Variants in PTPRR observed in about 807,000 individuals in gnomAD.
PTPRR encodes receptor-type tyrosine-protein phosphatase R.
A neutral mutation model predicts 77.2 loss-of-function variants in PTPRR; 38 were observed. The observed-to-expected ratio is 0.49, with a 90% CI of 0.38 to 0.65. The LOEUF (loss-of-function observed/expected upper bound fraction) is 0.65, where lower values mean the gene tolerates loss of function less well. Ranked by LOEUF, PTPRR falls within the 30% of genes least tolerant of loss-of-function variation. The pLI, the probability that PTPRR is intolerant of heterozygous loss-of-function variation, is 0.00. For synonymous variants in PTPRR, 299 were observed against 283.1 expected (o/e 1.06, Z -0.57); for missense variants, 744 against 799.2 (o/e 0.93, Z 0.83).
intron 2 of PTPRR, among the ~76,000 whole-genome samples, chr12:70,845,107 G>A (rs1892461678): frequency 6.6e-6 from 1 of 152,260 alleles, no homozygotes; most frequent in Non-Finnish European, 1.5e-5. Context: ...GAAGACAGTT[G>A]GAGCTAATTC....
At chr12:70,861,744 G>A (rs900743692) in intron 2 of PTPRR, among the ~76,000 whole-genome samples, 3 of 152,080 alleles carry the variant, frequency 2.0e-5, no homozygotes, top group Admixed American at 6.6e-5. Flanking sequence ...ATCTGTCTAA[G>A]GGAGTTATGA....
chr12:70,906,379 C>T (rs926240374), intron 1 of PTPRR, among the ~76,000 whole-genome samples: 1 of 151,932 alleles, frequency 6.6e-6, no homozygotes, highest in Non-Finnish European at 1.5e-5. Context: ...ATAAAAGACA[C>T]TTTGGGAACT....
chr12:70,730,258 C>T (rs2136879524), intron 6 of PTPRR, among the ~76,000 whole-genome samples: 1 of 152,318 alleles, frequency 6.6e-6, no homozygotes, highest in South Asian at 2.1e-4. Context: ...CTCCTGTAAT[C>T]CCAACACTTT....
At chr12:70,759,694 A>AC (rs1168833887) in intron 4 of PTPRR, among the ~76,000 whole-genome samples, 4 of 146,620 alleles carry the variant, frequency 2.7e-5, no homozygotes, top group African/African-American at 1.1e-4. Flanking sequence ...AAAAAAAAAA[A>AC]AAAAAAAAAA....
intron 2 of PTPRR, among the ~76,000 whole-genome samples, chr12:70,816,999 C>T (rs1292433443): frequency 6.6e-6 from 1 of 152,036 alleles, no homozygotes; most frequent in East Asian, 1.9e-4. Context: ...GTCATCTCAT[C>T]CTGTTAATGT....
rs563001007 is a variant in PTPRR at position 70,676,155 on chromosome 12, C to T, written c.1497+7972G>A. Among the ~76,000 whole-genome samples the T allele has an allele frequency of 5.3e-5, 8 of 151,876 alleles. 1 individual carries two copies. The South Asian group carries it at 1.7e-3, about 32-fold the overall frequency. ...GGTATATTGGATATCAAATACTATC[C>T]TCTATGTCTCTTAGACACTCTTTTT... On this transcript the variant is annotated intron_variant, in intron 10 of 13. Coordinates refer to ENST00000283228, the MANE Select transcript of PTPRR (RefSeq NM_002849.4).
intron 2 of PTPRR, among the ~76,000 whole-genome samples, chr12:70,889,880 G>C (rs3923908): frequency 0.15 from 22,962 of 151,770 alleles, 1,882 homozygotes; most frequent in Non-Finnish European, 0.18. Context: ...TTTCCATGCC[G>C]TTTCACTGAT....
At chr12:70,848,802 A>G (rs1442050919) in intron 2 of PTPRR, among the ~76,000 whole-genome samples, 1 of 152,232 alleles carries the variant, frequency 6.6e-6, no homozygotes, top group Non-Finnish European at 1.5e-5. Flanking sequence ...TATGTGATAG[A>G]TGCTTAGAGT....
chr12:70,639,386 G>A lies in PTPRR; in HGVS notation c.1881-109C>T. On this transcript the variant is annotated intron_variant, in intron 13 of 13. Coordinates refer to ENST00000283228, the MANE Select transcript of PTPRR (RefSeq NM_002849.4). ...TATTATGCCAAAGACACATAGAACA[G>A]TCGACCTAGTGGTTCTTTTGTTATC... 3 of 1,414,160 alleles carry A rather than the reference G, an allele frequency of 2.1e-6. No individual in the cohort carries two copies. The East Asian group carries it at 7.2e-5, about 34-fold the overall frequency. 87.6% of individuals were successfully genotyped at this position (1,414,160 alleles called of 1,614,324 possible).
chr12:70,826,000 T>C (rs776375184), intron 2 of PTPRR, among the ~76,000 whole-genome samples: 4 of 152,218 alleles, frequency 2.6e-5, no homozygotes, highest in Non-Finnish European at 4.4e-5. Context: ...AAATTGATTA[T>C]TGATCTTTTC....
intron 6 of PTPRR, among the ~76,000 whole-genome samples, chr12:70,726,984 G>A (rs1028373424): frequency 2.6e-5 from 4 of 151,810 alleles, no homozygotes; most frequent in African/African-American, 7.3e-5. Flanking sequence ...GAGAGAAGGG[G>A]GAAAGTGGAA....
intron 12 of PTPRR, among the ~76,000 whole-genome samples, chr12:70,658,883 GTTTTTTTTTTTTTTTT>G (rs746595856): frequency 7.3e-4 from 27 of 36,938 alleles, no homozygotes; most frequent in South Asian, 1.2e-3. Flanking sequence ...TTTTGCTCTA[GTTTTTTTTTTTTTTTT>G]TTTTTTTTTT....
intron 2 of PTPRR, among the ~76,000 whole-genome samples, chr12:70,785,475 G>A (rs1289828457): frequency 6.6e-6 from 1 of 151,952 alleles, no homozygotes; most frequent in Non-Finnish European, 1.5e-5. Context: ...TTTGTATATT[G>A]TTCTGGAAAC....
intron 2 of PTPRR, among the ~76,000 whole-genome samples, chr12:70,885,949 C>A (rs1343703855): frequency 6.6e-6 from 1 of 152,174 alleles, no homozygotes; most frequent in East Asian, 1.9e-4. Flanking sequence ...TTATTCCCTG[C>A]TCATTCACTG....
intron 2 of PTPRR, among the ~76,000 whole-genome samples, chr12:70,808,783 C>T (rs1006729024): frequency 4.6e-5 from 7 of 152,130 alleles, no homozygotes; most frequent in Non-Finnish European, 1.0e-4. Flanking sequence ...TCAGACATGC[C>T]GTGCCATTTT....
intron 2 of PTPRR, among the ~76,000 whole-genome samples, chr12:70,822,545 T>A (rs1473040462): frequency 6.6e-6 from 1 of 152,108 alleles, no homozygotes; most frequent in East Asian, 1.9e-4. Flanking sequence ...AGACACATGG[T>A]GGGGAAGCAG....
chr12:70,788,284 A>G (rs1384623532), intron 2 of PTPRR, among the ~76,000 whole-genome samples: 1 of 152,208 alleles, frequency 6.6e-6, no homozygotes, highest in Non-Finnish European at 1.5e-5. Context: ...ACATGCAATT[A>G]TAACAGAAGA....
At chr12:70,754,082 T>A (rs780762612) in intron 5 of PTPRR, 109 bp downstream of exon 5, 6 of 1,015,404 alleles carry the variant, frequency 5.9e-6, no homozygotes, top group Non-Finnish European at 8.6e-6. Flanking sequence ...AGGATCATAG[T>A]CTTCCTTCTG....
At chr12:70,769,864 CA>C (rs1890926609) in intron 2 of PTPRR, among the ~76,000 whole-genome samples, 2 of 152,042 alleles carry the variant, frequency 1.3e-5, no homozygotes, top group South Asian at 4.1e-4. Flanking sequence ...CGCATATCTA[CA>C]ACTATCTGAT....
Sources: allele counts gnomAD v4.1 joint callset (sites outside exome capture counted in the v4.1 genomes callset), GRCh38; gene constraint gnomAD v4.1.1; transcripts MANE v1.5; gene names NCBI Gene and HGNC (gene_info 2026-07-23, HGNC 2026-07-21).